The following FAM178B variants were observed in gnomAD, a reference collection of about 807,000 sequenced individuals.
FAM178B encodes protein FAM178B.
A neutral mutation model predicts 91.7 loss-of-function variants in FAM178B; 82 were observed. The observed-to-expected ratio is 0.89, with a 90% CI of 0.75 to 1.07. The LOEUF (loss-of-function observed/expected upper bound fraction) is 1.07, where lower values mean the gene tolerates loss of function less well. Among genes scored for constraint, FAM178B ranks in the 50% least tolerant of loss-of-function variants. The pLI is 0.00. For synonymous variants in FAM178B, 368 were observed against 359.4 expected (o/e 1.02, Z -0.27); for missense variants, 769 against 846.7 (o/e 0.91, Z 1.14).
chr2:96,951,486 T>C lies in FAM178B; in HGVS notation c.888-2A>G. 2 of 1,547,822 alleles carry C rather than the reference T, an allele frequency of 1.3e-6. No individual in the cohort carries two copies. The highest frequency in any genetic ancestry group is 1.7e-6 in the Non-Finnish European group (2 of 1,145,680). ...GAGAGCTGTTGGGCTGGCGGGGAGC[T>C]GGGAGGCAGAGGGCTGAGGTTAGGG... On this transcript the variant is annotated splice_acceptor_variant, in intron 6 of 16. Transcript: ENST00000490605. LOFTEE classifies it high-confidence loss of function.
intron 1 of FAM178B, among the ~76,000 whole-genome samples, chr2:96,975,124 A>AATCATCAAG (rs2082273324): frequency 6.9e-6 from 1 of 144,980 alleles, no homozygotes; most frequent in Non-Finnish European, 1.5e-5. Flanking sequence ...AAAAAGAACC[A>AATCATCAAG]ATCATCAAGA....
chr2:96,956,442 C>T (rs1403992626), intron 6 of FAM178B, among the ~76,000 whole-genome samples: 2 of 152,202 alleles, frequency 1.3e-5, no homozygotes, highest in Admixed American at 6.5e-5. Context: ...GCTGCTGGGA[C>T]GCAGACGCCA....
chr2:96,939,899 T>C (rs2081697812), intron 8 of FAM178B, among the ~76,000 whole-genome samples: 1 of 152,182 alleles, frequency 6.6e-6, no homozygotes, highest in Non-Finnish European at 1.5e-5. Flanking sequence ...CACCTATTAT[T>C]TTCAATTAAA....
chr2:96,932,264 T>C (rs60621865), intron 8 of FAM178B, among the ~76,000 whole-genome samples: 46,524 of 152,136 alleles, frequency 0.31, 11,978 homozygotes, highest in African/African-American at 0.7. Context: ...CAGCTGGGCA[T>C]CATCCCTTCT....
chr2:96,965,791 T>C (rs1423833417), intron 5 of FAM178B, among the ~76,000 whole-genome samples: 10 of 151,990 alleles, frequency 6.6e-5, no homozygotes, highest in Admixed American at 6.6e-5. Flanking sequence ...TAAAGATAAC[T>C]CCAACCTTCC....
intron 8 of FAM178B, among the ~76,000 whole-genome samples, chr2:96,936,164 TACA>T (rs928077436): frequency 3.9e-5 from 6 of 152,094 alleles, no homozygotes; most frequent in Non-Finnish European, 1.5e-5. Context: ...TAAAAAAAAA[TACA>T]ACAACAAAAG....
chr2:96,899,914 C>T (rs1311869502), intron 13 of FAM178B, among the ~76,000 whole-genome samples: 3 of 138,366 alleles, frequency 2.2e-5, no homozygotes, highest in Admixed American at 1.6e-4. Flanking sequence ...GGCTGCAGTG[C>T]GGTGGTGTGA....
At chr2:96,986,107 A>T (rs2082419681) in intron 1 of FAM178B, 134 bp downstream of exon 1, 1 of 1,454,132 alleles carries the variant, frequency 6.9e-7, no homozygotes, top group African/African-American at 1.4e-5. Flanking sequence ...GAACCTGAAA[A>T]GCGCCAGAGT....
At chr2:96,925,280 G>A (rs745329546) in intron 9 of FAM178B, among the ~76,000 whole-genome samples, 4 of 152,154 alleles carry the variant, frequency 2.6e-5, no homozygotes, top group Non-Finnish European at 5.9e-5. Flanking sequence ...GGTTACATGT[G>A]TTTTTTGAGC....
intron 6 of FAM178B, among the ~76,000 whole-genome samples, chr2:96,955,738 A>G (rs1489268010): frequency 6.6e-6 from 1 of 152,122 alleles, no homozygotes; most frequent in East Asian, 1.9e-4. Flanking sequence ...GGGATCCCAT[A>G]ATGGCCCTGC....
intron 14 of FAM178B, among the ~76,000 whole-genome samples, chr2:96,881,885 T>C (rs890389105): frequency 3.9e-5 from 6 of 152,172 alleles, no homozygotes; most frequent in African/African-American, 1.4e-4. Context: ...AACCTGCCAC[T>C]GCCTGGAGGC....
chr2:96,986,137 G>A (rs1329036833), intron 1 of FAM178B, 104 bp downstream of exon 1: 3 of 1,512,062 alleles, frequency 2.0e-6, no homozygotes, highest in East Asian at 2.5e-5. Flanking sequence ...GCCGCACCGG[G>A]GCTGACCTGC....
chr2:96,956,858 T>A (rs926779466), intron 6 of FAM178B: 1 of 152,258 alleles, frequency 6.6e-6, no homozygotes, highest in Non-Finnish European at 1.5e-5. Context: ...GACAGCTTTT[T>A]ATTTATTATT....
At chr2:96,912,759 G>A (rs991906081) in intron 12 of FAM178B, among the ~76,000 whole-genome samples, 2 of 152,176 alleles carry the variant, frequency 1.3e-5, no homozygotes, top group Non-Finnish European at 2.9e-5. Flanking sequence ...CTCCGGATGC[G>A]ACCTTCATCT....
chr2:96,886,308 T>C (rs1195377660), intron 14 of FAM178B, among the ~76,000 whole-genome samples: 1 of 152,252 alleles, frequency 6.6e-6, no homozygotes, highest in Non-Finnish European at 1.5e-5. Context: ...CCAATGTGAC[T>C]GGCTTAGAGA....
intron 14 of FAM178B, among the ~76,000 whole-genome samples, chr2:96,884,087 T>C (rs901906413): frequency 1.9e-4 from 29 of 151,620 alleles, no homozygotes; most frequent in African/African-American, 7.1e-4. Flanking sequence ...CACAATCCTT[T>C]TTTTCCCTTT....
chr2:96,877,795 C>T lies in FAM178B; in HGVS notation c.2007+95G>A, dbSNP rs1218218547. The T allele has an allele frequency of 1.1e-5, 14 of 1,292,710 alleles. No individual in the cohort carries two copies. In the Middle Eastern group the frequency reaches 7.9e-4, roughly 73 times the overall value. The allele number at this position is 1,292,710 out of a possible 1,614,324, so 80.1% of individuals were successfully genotyped here. On this transcript the variant is annotated intron_variant, in intron 16 of 16. Transcript: ENST00000490605. ...ACCCATATCCCTGCCAGGAGCTCAG[C>T]AGCTGCAGCGGGGGTGGATGTGCTG...
intron 14 of FAM178B, among the ~76,000 whole-genome samples, chr2:96,892,302 G>A (rs919951461): frequency 2.0e-5 from 3 of 152,110 alleles, no homozygotes; most frequent in Non-Finnish European, 4.4e-5. Context: ...GAGGTGTAGG[G>A]GAGCGCAGCA....
intron 5 of FAM178B, among the ~76,000 whole-genome samples, chr2:96,962,991 T>C (rs1382189961): frequency 6.6e-6 from 1 of 152,254 alleles, no homozygotes; most frequent in East Asian, 1.9e-4. Context: ...CCCATCCAGA[T>C]GATCCCACAT....
Sources: gnomAD v4.1 joint callset for allele counts (sites outside exome capture counted in the v4.1 genomes callset) on GRCh38, gnomAD v4.1.1 for gene constraint, MANE v1.5 for transcripts, NCBI Gene and HGNC (gene_info 2026-07-23, HGNC 2026-07-21) for gene names.